Variants in MST1R observed in about 807,000 individuals in gnomAD.
MST1R encodes macrophage-stimulating protein receptor.
A neutral mutation model predicts 117.8 loss-of-function variants in MST1R; 99 were observed. The ratio of observed to expected loss-of-function variants is 0.84; its 90% CI spans 0.71 to 0.99. MST1R has a LOEUF of 0.99. Ranked by LOEUF, MST1R falls within the 50% of genes least tolerant of loss-of-function variation. MST1R has a pLI of 0.00. For synonymous variants in MST1R, 734 were observed against 765.3 expected, an observed-to-expected ratio of 0.96 and a Z score of 0.68; for missense variants, 1,683 against 1,840.2, an observed-to-expected ratio of 0.91 and a Z score of 1.56.
At chr3:49,887,698 T>A (rs535703757) in intron 19 of MST1R, 136 bp from the exon 20 acceptor site, 1 of 916,408 alleles carries the variant, frequency 1.1e-6, no homozygotes, top group African/African-American at 1.6e-5. Context: ...CACTACCCAA[T>A]CAGGGGCAGC....
intron 14 of MST1R, 87 bp downstream of exon 14, chr3:49,895,080 G>T: frequency 6.9e-7 from 1 of 1,442,196 alleles, no homozygotes; most frequent in Admixed American, 1.7e-5. Context: ...CAAAGTGCTG[G>T]GATTACAGGA....
intron 17 of MST1R, among the ~76,000 whole-genome samples, chr3:49,890,870 G>C (rs1410471292): frequency 1.3e-5 from 2 of 152,022 alleles, no homozygotes; most frequent in Non-Finnish European, 2.9e-5. Context: ...GGACTACAGG[G>C]GCCCGCCACC....
chr3:49,890,826 C>G (rs567095452), intron 17 of MST1R, among the ~76,000 whole-genome samples, 176 bp from the exon 18 acceptor site: 1 of 152,188 alleles, frequency 6.6e-6, no homozygotes, highest in East Asian at 1.9e-4. Context: ...CCTGGGGTCA[C>G]GCCATTCTCC....
chr3:49,893,872 C>G (rs994441631), intron 14 of MST1R, among the ~76,000 whole-genome samples: 3 of 147,770 alleles, frequency 2.0e-5, no homozygotes, highest in South Asian at 2.1e-4. Context: ...GCACTCCAGC[C>G]TGGGTGAAAG....
rs2082432082 is a variant in MST1R, at chr3:49,895,366, AG to A, written c.3071del (p.Pro1024LeufsTer36). On this transcript the variant is annotated frameshift_variant, in exon 14 of 20. Coordinates refer to ENST00000296474, the MANE Select transcript of MST1R (RefSeq NM_002447.4). LOFTEE classifies it high-confidence loss of function. ...TGGTGGAATCCAGACCATCAATGGC[AG>A]GGAGTGCTGTGGGGAGAGGGAATGA... ...GSDYRSGLAL[P>X]AIDGLDSTTC... 6.2e-7 allele frequency: 1 copy of A among 1,614,130 alleles called. No individual in the cohort carries two copies. Among genetic ancestry groups the A allele is most frequent in the South Asian group, 1.1e-5 (1 of 91,090 alleles).
At chr3:49,893,539 G>T (rs181537665) in intron 14 of MST1R, among the ~76,000 whole-genome samples, 5 of 151,658 alleles carry the variant, frequency 3.3e-5, no homozygotes, top group Admixed American at 3.3e-4. Context: ...GGGAGGGGGA[G>T]GTTGCAGTGA....
rs1438913030 is a variant in MST1R, at chr3:49,890,522, C to A, written c.3773G>T (p.Ser1258Ile). 4.3e-6 allele frequency: 7 copies of A among 1,614,028 alleles called. No individual in the cohort carries two copies. The highest frequency in any genetic ancestry group is 5.1e-6 in the Non-Finnish European group (6 of 1,179,972). The part of the protein sequence containing the change: ...RLPVKWMALE[S>I]LQTYRFTTKS... The stretch of plus-strand genomic sequence containing the variant: ...GGTGGTAAATCTATAGGTCTGCAGG[C>A]TCTCCAGCGCCATCCACTTCACAGG... Residue 1258 changes from serine to isoleucine, a missense_variant, in exon 18 of 20, where the codon AGC becomes ATC. Transcript: ENST00000296474.
chr3:49,895,732 C>T lies in MST1R; in HGVS notation c.2945G>A (p.Trp982Ter), dbSNP rs1021431208. The T allele has an allele frequency of 1.2e-6, 2 of 1,612,628 alleles. No individual in the cohort carries two copies. Among genetic ancestry groups the T allele is most frequent in the Non-Finnish European group, 1.7e-6 (2 of 1,180,000 alleles). ...LATALVFSYW[W>*]RRKQLVLPPN... The stretch of plus-strand genomic sequence containing the variant: ...GAACTCACCTAGCTGCTTCCTCCGC[C>T]ACCAGTAGCTGAAGACCAGTGCAGT... The change falls in exon 12 of 20, where the codon TGG (tryptophan) becomes TAG (stop). Residue 982 changes from tryptophan (W) to a stop codon, truncating the protein, a stop_gained. Transcript: ENST00000296474. LOFTEE classifies it high-confidence loss of function.
rs1405982585 is a variant in MST1R at position 49,898,663 on chromosome 3, G to A, written c.1574C>T (p.Pro525Leu). 1 of 1,614,150 alleles carries A rather than the reference G, an allele frequency of 6.2e-7. No individual in the cohort carries two copies. Among genetic ancestry groups the A allele is most frequent in the Admixed American group, 1.7e-5 (1 of 60,026 alleles). Residue 525 changes from proline (P) to leucine (L), a missense_variant, in exon 4 of 20, where the codon CCT becomes CTT. Transcript: ENST00000296474. ...DQVFQVPIQG[P>L]GCRHFLTCGR... ...ACAGGTCAGGAAGTGGCGGCAGCCA[G>A]GGCCTTGGATAGGTACCTGGAAAAC...
At chr3:49,893,771 C>A (rs1427290572) in intron 14 of MST1R, among the ~76,000 whole-genome samples, 1 of 150,366 alleles carries the variant, frequency 6.7e-6, no homozygotes, top group East Asian at 1.9e-4. Context: ...CGGTGGCAGG[C>A]GCCTGTAGTC....
Position 49,899,225 on chromosome 3 carries a change from G to T in MST1R, c.1269C>A (p.Arg423=), listed in dbSNP as rs1281900066. The T allele has an allele frequency of 1.9e-6, 3 of 1,614,090 alleles. No homozygotes were observed. The African/African-American group carries it at 4.0e-5, about 22-fold the overall frequency. Residue 423 remains arginine, a synonymous_variant, in exon 2 of 20, where the codon CGC becomes CGA. Transcript: ENST00000296474. ...TGCTACTGACCAGCAGAGGGAAGTG[G>T]CGGCAGCTGGTGTTGGGGCTGAGGG... ...LEALSPNTSC[R]HFPLLVSSSF...
chr3:49,891,263 G>C lies in MST1R; in HGVS notation c.3578C>G (p.Ala1193Gly). The change falls in exon 17 of 20, where the codon GCC (alanine) becomes GGC (glycine). Residue 1193 changes from alanine (A) to glycine (G), a missense_variant. By Grantham distance (60) the Ala-to-Gly change is moderately conservative. Transcript: ENST00000296474. The stretch of plus-strand genomic sequence containing the variant: ...CTCTGCCAGGTACTCCATGCCGCGG[G>C]CTACCTGCAGGCCAAAGCTGATGAG... ...KDLISFGLQVARGMEYLAEQK... is the reference protein window; with the variant it reads ...KDLISFGLQVGRGMEYLAEQK... 1 of 1,614,150 alleles carries C rather than the reference G, an allele frequency of 6.2e-7. No individual in the cohort carries two copies. The highest frequency in any genetic ancestry group is 8.5e-7 in the Non-Finnish European group (1 of 1,180,044).
chr3:49,903,773 A>G lies in MST1R; in HGVS notation c.-164T>C. 1.0e-6 allele frequency: 1 copy of G among 971,604 alleles called. No homozygotes were observed. The highest frequency in any genetic ancestry group is 2.7e-5 in the East Asian group (1 of 37,084). 60.2% of individuals were successfully genotyped at this position (971,604 alleles called of 1,614,324 possible). On this transcript the variant is annotated 5_prime_UTR_variant, in exon 1 of 20. Coordinates refer to ENST00000296474, the MANE Select transcript of MST1R (RefSeq NM_002447.4). ...CCGCCCCAGGTTCCTGTGAAACCCA[A>G]ATCCCTTCCCGGCCCTCGGGTCTGA...
At position 49,898,826 on chromosome 3, in the gene MST1R, C is replaced by G. The variant is rs1161494642; in HGVS notation, c.1548+41G>C. ...CTGGATTGGATGGAGAGTCTGTGATCCCACAACCCTGGCCCCAGGCCCTGC... is the reference window on the plus strand; with the variant it reads ...CTGGATTGGATGGAGAGTCTGTGATGCCACAACCCTGGCCCCAGGCCCTGC... On this transcript the variant is annotated intron_variant, in intron 3 of 19. Coordinates refer to ENST00000296474, the MANE Select transcript of MST1R (RefSeq NM_002447.4). 2.5e-6 allele frequency: 4 copies of G among 1,612,458 alleles called. No individual in the cohort carries two copies. In the Admixed American group the frequency reaches 6.7e-5, roughly 27 times the overall value.
chr3:49,890,678 A>G, intron 17 of MST1R, 28 bp from the exon 18 acceptor site: 1 of 1,587,402 alleles, frequency 6.3e-7, no homozygotes, highest in African/African-American at 1.3e-5. Context: ...GATCACACTT[A>G]GGACTGGCCC....
rs2230591 is a variant in MST1R, at chr3:49,899,193, G to T, written c.1301C>A (p.Ser434Ter). The T allele has an allele frequency of 6.2e-7, 1 of 1,614,220 alleles. No individual in the cohort carries two copies. The highest frequency in any genetic ancestry group is 1.1e-5 in the South Asian group (1 of 91,082). Residue 434 changes from serine (S) to a stop codon, truncating the protein, a stop_gained, in exon 2 of 20, where the codon TCA (serine) becomes TAA (stop). Transcript: ENST00000296474. LOFTEE classifies it high-confidence loss of function. ...CAGCCCATTGAATAGGTCCACACGT[G>T]AGAAGCTGCTACTGACCAGCAGAGG... The part of the protein sequence containing the change: ...HFPLLVSSSF[S>*]RVDLFNGLLG...
chr3:49,903,023 TAGG>T lies in MST1R; in HGVS notation c.584_586del (p.Ser195del). ...GTCCAGTGAGGATGCCACGTAGAAATAGGAGGCCTGGCCTTGCTCAACCACAGT... is the reference window on the plus strand; with the variant it reads ...GTCCAGTGAGGATGCCACGTAGAAATAGGCCTGGCCTTGCTCAACCACAGT... On this transcript the variant is annotated inframe_deletion, in exon 1 of 20. Transcript: ENST00000296474. 1 of 1,612,668 alleles carries T rather than the reference TAGG, an allele frequency of 6.2e-7. No individual in the cohort carries two copies. Among genetic ancestry groups the T allele is most frequent in the South Asian group, 1.1e-5 (1 of 91,088 alleles).
intron 1 of MST1R, among the ~76,000 whole-genome samples, chr3:49,901,325 A>T (rs7616171): frequency 0.029 from 4,385 of 152,306 alleles, 206 homozygotes; most frequent in African/African-American, 0.098. Context: ...ACAGGATGAT[A>T]GCTAGAGAAT....
chr3:49,899,056 T>C lies in MST1R; in HGVS notation c.1419+19A>G. 1.9e-6 allele frequency: 3 copies of C among 1,614,138 alleles called. No individual in the cohort carries two copies. Among genetic ancestry groups the C allele is most frequent in the African/African-American group, 1.3e-5 (1 of 75,068 alleles). On this transcript the variant is annotated intron_variant, in intron 2 of 19. Transcript: ENST00000296474. ...AGACAAGGACCCAGGGCTAGGGGAC[T>C]GTGGGGATGAGGACCCACCTGCAGG...
Sources: allele counts gnomAD v4.1 joint callset (sites outside exome capture counted in the v4.1 genomes callset), GRCh38; gene constraint gnomAD v4.1.1; transcripts MANE v1.5; gene names NCBI Gene and HGNC (gene_info 2026-07-23, HGNC 2026-07-21).